MGST1: variants seen among roughly 807,000 people sequenced by gnomAD.
MGST1 encodes the protein microsomal glutathione S-transferase 1, also known as glutathione S-transferase 12.
In MGST1, 5 loss-of-function variants were observed where a neutral mutation model predicts 8.9. The observed-to-expected ratio is 0.56, with a 90% CI of 0.29 to 1.19. The LOEUF (loss-of-function observed/expected upper bound fraction) is 1.19. Ranked by LOEUF, MGST1 falls within the 50% of genes most tolerant of loss-of-function variation. The probability of loss-of-function intolerance (pLI) is 0.08; values close to 1 mark genes in which losing one functional copy is unlikely to be tolerated. For missense variants in MGST1, 182 were observed against 187.4 expected, an observed-to-expected ratio of 0.97 and a Z score of 0.17; for synonymous variants, 54 against 67.8, an observed-to-expected ratio of 0.80 and a Z score of 1.00.
At chr12:16,495,578 A>G (rs570512739) in intron 4 of MGST1, among the ~76,000 whole-genome samples, 26 of 152,196 alleles carry the variant, frequency 1.7e-4, no homozygotes, top group African/African-American at 5.8e-4. Flanking sequence ...ATGATTACCA[A>G]CAATGCATTT....
rs573782003 is a variant in MGST1 at position 16,546,315 on chromosome 12, T to C, written n.483-43213T>C. 6.6e-6 allele frequency among the ~76,000 whole-genome samples: 1 copy of C among 152,112 alleles called. No individual in the cohort carries two copies. Among genetic ancestry groups the C allele is most frequent in the Non-Finnish European group, 1.5e-5 (1 of 67,994 alleles). On this transcript the variant is annotated intron_variant and non_coding_transcript_variant, in intron 4 of 4. Coordinates refer to the MGST1 transcript ENST00000538857. The surrounding 1 kb of genome is among the most constrained non-coding windows in gnomAD (Gnocchi z 4.7). ...TTAATTTGTACTATGGCCACTAAAT[T>C]TGGTATAGTTAATGCCAACCACTTT... is the stretch of plus-strand genomic sequence containing the variant.
At chr12:16,409,498 A>T (rs1370566936) in intron 1 of MGST1, among the ~76,000 whole-genome samples, 1 of 152,134 alleles carries the variant, frequency 6.6e-6, no homozygotes, top group Non-Finnish European at 1.5e-5. Flanking sequence ...CGCTGAAATT[A>T]TGAGACTTGG....
chr12:16,392,695 A>G (rs1012684216), intron 1 of MGST1, among the ~76,000 whole-genome samples: 2 of 152,148 alleles, frequency 1.3e-5, no homozygotes, highest in Admixed American at 1.3e-4. Context: ...TCATTTTGGA[A>G]TACGGCCAAG....
chr12:16,459,240 A>G (rs1199209953), intron 4 of MGST1, among the ~76,000 whole-genome samples: 7 of 152,192 alleles, frequency 4.6e-5, no homozygotes, highest in Admixed American at 1.3e-4. Context: ...AACCTCCTGG[A>G]AATTTTAAAT....
At position 16,401,160 on chromosome 12, in the gene MGST1, CACAGAAGTG is replaced by C. The variant is rs2137062804; in HGVS notation, n.778+17558_778+17566del. 6.4e-7 allele frequency: 1 copy of C among 1,561,486 alleles called. No homozygotes were observed. Among genetic ancestry groups the C allele is most frequent in the East Asian group, 2.2e-5 (1 of 44,498 alleles). The stretch of plus-strand genomic sequence containing the variant: ...TACCCACATTCTTCACTTTCTTCTT[CACAGAAGTG>C]AGAACAGTAGCTGGGCCATCCTCAT... On this transcript the variant is annotated intron_variant and non_coding_transcript_variant, in intron 1 of 1. Coordinates refer to the MGST1 transcript ENST00000359720. The surrounding 1 kb of genome is among the most constrained non-coding windows in gnomAD (Gnocchi z 4.3).
rs1044974073 is a variant in MGST1 at position 16,586,503 on chromosome 12, C to T, written n.483-3025C>T. On this transcript the variant is annotated intron_variant and non_coding_transcript_variant, in intron 4 of 4. Transcript: ENST00000538857. This position sits in a 1 kb window ranked among gnomAD's most constrained non-coding sequence, Gnocchi z 4.3. ...ATCTCACGCTAAGCATTATCTTCTA[C>T]GTCCACAGAAAAAAATCTGTTGTAT... is the stretch of plus-strand genomic sequence containing the variant. 4.6e-5 allele frequency among the ~76,000 whole-genome samples: 7 copies of T among 152,108 alleles called. No individual in the cohort carries two copies. Among genetic ancestry groups the T allele is most frequent in the Admixed American group, 6.6e-5 (1 of 15,262 alleles).
chr12:16,490,070 T>G (rs1941428842), intron 4 of MGST1, among the ~76,000 whole-genome samples: 1 of 151,876 alleles, frequency 6.6e-6, no homozygotes, highest in Non-Finnish European at 1.5e-5. Context: ...AAGACCAGCC[T>G]GGGCAAAGTA....
chr12:16,368,276 A>G (rs1940228969), downstream of MGST1, among the ~76,000 whole-genome samples: 1 of 152,194 alleles, frequency 6.6e-6, no homozygotes, highest in South Asian at 2.1e-4. Flanking sequence ...GATGGGTTCT[A>G]TAAACCATTC....
chr12:16,488,340 C>T (rs1020272601), intron 4 of MGST1, among the ~76,000 whole-genome samples: 1 of 152,138 alleles, frequency 6.6e-6, no homozygotes, highest in Non-Finnish European at 1.5e-5. Context: ...AATGGGGCCT[C>T]AGTTCCACCC....
At chr12:16,448,484 A>G (rs1034237568) in intron 4 of MGST1, among the ~76,000 whole-genome samples, 1 of 151,882 alleles carries the variant, frequency 6.6e-6, no homozygotes, top group Non-Finnish European at 1.5e-5. Flanking sequence ...TTCAAAAAAT[A>G]TCAAGGTGGA....
At chr12:16,485,577 ATAT>A (rs947617713) in intron 4 of MGST1, among the ~76,000 whole-genome samples, 1 of 152,212 alleles carries the variant, frequency 6.6e-6, no homozygotes, top group African/African-American at 2.4e-5. Flanking sequence ...ATGTATTCAA[ATAT>A]TATCTTTTAC....
At chr12:16,385,807 T>A (rs1258735176) in intron 1 of MGST1, among the ~76,000 whole-genome samples, 2 of 152,016 alleles carry the variant, frequency 1.3e-5, no homozygotes, top group African/African-American at 4.8e-5. Context: ...AATTGATAGA[T>A]CAGCAAGTTT....
At chr12:16,471,028 G>A (rs1207245475) in intron 4 of MGST1, among the ~76,000 whole-genome samples, 1 of 152,184 alleles carries the variant, frequency 6.6e-6, no homozygotes, top group East Asian at 1.9e-4. Flanking sequence ...ATGGCGGGAG[G>A]AGAGATGAGA....
chr12:16,464,729 C>A (rs532575897), intron 4 of MGST1, among the ~76,000 whole-genome samples: 143 of 152,314 alleles, frequency 9.4e-4, no homozygotes, highest in Non-Finnish European at 1.6e-3. Context: ...TCCTGAATGG[C>A]ATGAGGTTTT....
chr12:16,347,439 T>A (rs1939251942), upstream of MGST1, among the ~76,000 whole-genome samples: 1 of 152,108 alleles, frequency 6.6e-6, no homozygotes, highest in South Asian at 2.1e-4. This position sits in a 1 kb window ranked among gnomAD's most constrained non-coding sequence, Gnocchi z 4.0. Flanking sequence ...TTAGGGGAGT[T>A]GGCATTTCAG....
downstream of MGST1, among the ~76,000 whole-genome samples, chr12:16,367,884 T>C (rs756365286): frequency 7.9e-6 from 1 of 125,800 alleles, no homozygotes; most frequent in Non-Finnish European, 1.5e-5. Context: ...TGGATAGGTA[T>C]AGTCAATGCT....
intron 2 of MGST1, among the ~76,000 whole-genome samples, chr12:16,356,395 C>G (rs750762812): frequency 2.6e-5 from 4 of 152,098 alleles, no homozygotes; most frequent in African/African-American, 9.7e-5. Context: ...ACAAGACAGA[C>G]AGGCCTGACC....
downstream of MGST1, among the ~76,000 whole-genome samples, chr12:16,443,596 T>C (rs977530320): frequency 3.9e-5 from 6 of 151,928 alleles, no homozygotes; most frequent in Non-Finnish European, 8.8e-5. Context: ...TCATAAACAA[T>C]GCTGTTTCTA....
chr12:16,385,361 G>T (rs913017632), intron 1 of MGST1, among the ~76,000 whole-genome samples: 1 of 152,138 alleles, frequency 6.6e-6, no homozygotes, highest in African/African-American at 2.4e-5. Flanking sequence ...GTGGAGGGAG[G>T]TTGGAAGTGA....
Sources: gnomAD v4.1 joint callset for allele counts (sites outside exome capture counted in the v4.1 genomes callset) on GRCh38, gnomAD v4.1.1 for gene constraint, Gnocchi (gnomAD v3.1) non-coding constraint, MANE v1.5 for transcripts, NCBI Gene and HGNC (gene_info 2026-07-23, HGNC 2026-07-21) for gene names.